The following MGST1 variants were observed in gnomAD, a reference collection of about 807,000 sequenced individuals.
The protein encoded by MGST1 is microsomal glutathione S-transferase 1.
A neutral mutation model predicts 8.9 loss-of-function variants in MGST1; 5 were observed. That is an observed-to-expected ratio of 0.56 (90% CI 0.29 to 1.19). The LOEUF is 1.19. Among genes scored for constraint, MGST1 ranks in the 50% most tolerant of loss-of-function variants. The pLI, the probability that MGST1 is intolerant of heterozygous loss-of-function variation, is 0.08. For synonymous variants in MGST1, 54 were observed against 67.8 expected, an observed-to-expected ratio of 0.80 and a Z score of 1.00; for missense variants, 182 against 187.4, an observed-to-expected ratio of 0.97 and a Z score of 0.17.
intron 1 of MGST1, among the ~76,000 whole-genome samples, chr12:16,398,350 C>G (rs538675428): frequency 6.6e-5 from 10 of 152,240 alleles, no homozygotes; most frequent in South Asian, 2.1e-4. Context: ...CAGGACAATG[C>G]AAGACAAAGT....
rs893419359 is a variant in MGST1, at chr12:16,555,715, C to T, written n.483-33813C>T. ...CCAAACCGCTTCTCTAATCTCTGAA[C>T]ATACTGAGCCGCTTTTCATTTCCTA... On this transcript the variant is annotated intron_variant and non_coding_transcript_variant, in intron 4 of 4. Coordinates refer to the MGST1 transcript ENST00000538857. This position sits in a 1 kb window ranked among gnomAD's most constrained non-coding sequence, Gnocchi z 5.5. Among the ~76,000 whole-genome samples, 6 of 152,168 alleles carry T rather than the reference C, an allele frequency of 3.9e-5. No individual in the cohort carries two copies. Among genetic ancestry groups the T allele is most frequent in the Non-Finnish European group, 7.3e-5 (5 of 68,028 alleles).
At chr12:16,561,859 A>G (rs1397435049) in intron 4 of MGST1, among the ~76,000 whole-genome samples, 1 of 152,232 alleles carries the variant, frequency 6.6e-6, no homozygotes, top group African/African-American at 2.4e-5. Context: ...TTGAAGGTAG[A>G]AACAATAAAT....
At chr12:16,365,177 G>A (rs1199681002), downstream of MGST1, among the ~76,000 whole-genome samples, 1 of 152,024 alleles carries the variant, frequency 6.6e-6, no homozygotes, top group Non-Finnish European at 1.5e-5. Flanking sequence ...TGCATATCCT[G>A]TCTCCCCACA....
chr12:16,400,316 T>G, intron 1 of MGST1: 1 of 801,070 alleles, frequency 1.2e-6, no homozygotes, highest in Non-Finnish European at 2.2e-6. Flanking sequence ...GAAGCATGCT[T>G]AATATTATTG....
intron 4 of MGST1, among the ~76,000 whole-genome samples, chr12:16,464,891 C>G (rs1941243158): frequency 6.6e-6 from 1 of 152,146 alleles, no homozygotes; most frequent in African/African-American, 2.4e-5. Context: ...AAACAAAGAC[C>G]TTTTGATTCC....
chr12:16,526,136 C>T (rs1473890500), intron 4 of MGST1, among the ~76,000 whole-genome samples: 2 of 149,184 alleles, frequency 1.3e-5, no homozygotes, highest in African/African-American at 5.0e-5. Flanking sequence ...TGTGCAGAAG[C>T]TCTTTAGTTT....
At chr12:16,456,773 G>A (rs1941177318) in intron 4 of MGST1, among the ~76,000 whole-genome samples, 1 of 151,546 alleles carries the variant, frequency 6.6e-6, no homozygotes, top group South Asian at 2.1e-4. Flanking sequence ...TTTTTAAATG[G>A]CAACCTCAAG....
intron 4 of MGST1, chr12:16,514,172 C>T: frequency 3.0e-6 from 1 of 337,008 alleles, no homozygotes; most frequent in South Asian, 2.7e-5. Context: ...CTGTGCGCCA[C>T]TCTGCCAATT....
At chr12:16,505,317 G>A (rs1941530626) in intron 4 of MGST1, among the ~76,000 whole-genome samples, 1 of 152,122 alleles carries the variant, frequency 6.6e-6, no homozygotes, top group Non-Finnish European at 1.5e-5. Context: ...TGGACTCCTT[G>A]AGGTTCATCC....
intron 4 of MGST1, chr12:16,549,060 A>T (rs1941891054): frequency 6.6e-6 from 1 of 152,188 alleles, no homozygotes; most frequent in African/African-American, 2.4e-5. Flanking sequence ...AAACCTTAAA[A>T]GATCATCTGA....
chr12:16,564,029 G>T (rs1942498479), intron 4 of MGST1, among the ~76,000 whole-genome samples: 1 of 152,176 alleles, frequency 6.6e-6, no homozygotes, highest in African/African-American at 2.4e-5. Flanking sequence ...TAATGTAAAA[G>T]GTGACAAGTA....
At chr12:16,397,934 G>T (rs1437575447) in intron 1 of MGST1, among the ~76,000 whole-genome samples, 1 of 150,834 alleles carries the variant, frequency 6.6e-6, no homozygotes, top group Non-Finnish European at 1.5e-5. Flanking sequence ...ATTTTGATTA[G>T]GATTACAATA....
At chr12:16,359,168 TTC>T (rs1458913865) in intron 3 of MGST1, among the ~76,000 whole-genome samples, 3 of 152,162 alleles carry the variant, frequency 2.0e-5, no homozygotes, top group Non-Finnish European at 4.4e-5. Flanking sequence ...TGTATGTTAT[TTC>T]TCTGTCAGAC....
At position 16,473,788 on chromosome 12, in the gene MGST1, G is replaced by T. The variant is rs1354432496; in HGVS notation, n.482+90184G>T. 2.0e-5 allele frequency among the ~76,000 whole-genome samples: 3 copies of T among 152,098 alleles called. No homozygotes were observed. In the East Asian group the frequency reaches 5.8e-4, roughly 29 times the overall value. On this transcript the variant is annotated intron_variant and non_coding_transcript_variant, in intron 4 of 4. Coordinates refer to the MGST1 transcript ENST00000538857. Reference sequence around the variant, plus strand: ...CCCAGCTACTTGGGAGGCTGAGGCGGGAGGATGACTTGGGCCTGGGAGGTT... The same window carrying T: ...CCCAGCTACTTGGGAGGCTGAGGCGTGAGGATGACTTGGGCCTGGGAGGTT...
At chr12:16,379,359 A>G (rs1231113752), downstream of MGST1, among the ~76,000 whole-genome samples, 1 of 152,112 alleles carries the variant, frequency 6.6e-6, no homozygotes. Context: ...TAGCATGAAG[A>G]GTTGTCGAAT....
intron 1 of MGST1, among the ~76,000 whole-genome samples, chr12:16,399,029 G>C (rs535303688): frequency 3.0e-4 from 45 of 152,156 alleles, no homozygotes; most frequent in African/African-American, 1.1e-3. Flanking sequence ...TTTATTAACA[G>C]CAAGAGCCTC....
At chr12:16,403,939 A>T (rs976962673) in intron 1 of MGST1, among the ~76,000 whole-genome samples, 5 of 152,236 alleles carry the variant, frequency 3.3e-5, no homozygotes, top group Non-Finnish European at 5.9e-5. Flanking sequence ...TATGGGGATT[A>T]TAATTCAAGA....
At chr12:16,390,867 C>A (rs1351537741) in intron 1 of MGST1, among the ~76,000 whole-genome samples, 1 of 152,002 alleles carries the variant, frequency 6.6e-6, no homozygotes, top group East Asian at 1.9e-4. Context: ...GTTTTTAGCT[C>A]TTTGAGGAAG....
At chr12:16,518,690 T>C (rs1010700988) in intron 4 of MGST1, among the ~76,000 whole-genome samples, 4 of 152,180 alleles carry the variant, frequency 2.6e-5, no homozygotes, top group African/African-American at 9.7e-5. Context: ...CAGCTTAAGC[T>C]TCCCATACTA....
Sources: allele counts gnomAD v4.1 joint callset (sites outside exome capture counted in the v4.1 genomes callset), GRCh38; gene constraint gnomAD v4.1.1; non-coding constraint Gnocchi (gnomAD v3.1); transcripts MANE v1.5; gene names NCBI Gene and HGNC (gene_info 2026-07-23, HGNC 2026-07-21).